The following ARHGAP29 variants were observed in gnomAD, a reference collection of about 807,000 sequenced individuals.
ARHGAP29 encodes rho GTPase-activating protein 29.
Under a neutral mutation model 122.6 loss-of-function variants are expected in ARHGAP29, and 43 were observed. The ratio of observed to expected loss-of-function variants is 0.35; its 90% confidence interval spans 0.27 to 0.45. The LOEUF is 0.45. Among genes scored for constraint, ARHGAP29 ranks in the 20% least tolerant of loss-of-function variants. The pLI, the probability that ARHGAP29 is intolerant of heterozygous loss-of-function variation, is 1.00. For missense variants in ARHGAP29, 1,303 were observed against 1,477.2 expected, an observed-to-expected ratio of 0.88 and a Z score of 1.93; for synonymous variants, 506 against 497.1, an observed-to-expected ratio of 1.02 and a Z score of -0.24.
rs754787593 is a variant in ARHGAP29 at position 94,179,854 on chromosome 1, A to C, written c.2351T>G (p.Leu784Arg). 1.2e-6 allele frequency: 2 copies of C among 1,613,390 alleles called. No individual in the cohort carries two copies. Among genetic ancestry groups the C allele is most frequent in the South Asian group, 2.2e-5 (2 of 91,068 alleles). ...NEEQETKKNS[L>R]EDKKWPNMCI... ...CATATTTGGCCATTTTTTGTCTTCA[A>C]GACTATTCTTTTTTGTCTCTTGTTC... The change falls in exon 20 of 23, where the codon CTT becomes CGT. Residue 784 changes from leucine to arginine, a missense_variant. Transcript: ENST00000260526.
chr1:94,217,652 A>T (rs1236966596), intron 3 of ARHGAP29, among the ~76,000 whole-genome samples: 1 of 152,160 alleles, frequency 6.6e-6, no homozygotes, highest in Non-Finnish European at 1.5e-5. Context: ...AGCCTAGGCA[A>T]CAAAGCAAGA....
At chr1:94,236,799 A>C (rs1465165163) in intron 1 of ARHGAP29, among the ~76,000 whole-genome samples, 1 of 152,204 alleles carries the variant, frequency 6.6e-6, no homozygotes, top group African/African-American at 2.4e-5. Context: ...GACCAGGAGA[A>C]AATGCACCAC....
chr1:94,264,491 G>A (rs1287015296), intron 1 of ARHGAP29, among the ~76,000 whole-genome samples: 1 of 152,098 alleles, frequency 6.6e-6, no homozygotes, highest in East Asian at 1.9e-4. Flanking sequence ...TGGTGTGTTT[G>A]GGCAGTGGTT....
At chr1:94,220,857 T>C (rs1444060298) in intron 2 of ARHGAP29, among the ~76,000 whole-genome samples, 2 of 144,984 alleles carry the variant, frequency 1.4e-5, no homozygotes, top group African/African-American at 4.9e-5. Flanking sequence ...GTTTTTGTGC[T>C]TTTTAGAAAA....
intron 2 of ARHGAP29, among the ~76,000 whole-genome samples, chr1:94,224,252 C>G (rs1652490716): frequency 6.6e-6 from 1 of 152,192 alleles, no homozygotes; most frequent in African/African-American, 2.4e-5. Context: ...ATTATCATCA[C>G]AGAGAGTTAC....
the ARHGAP29 span, among the ~76,000 whole-genome samples, chr1:94,281,427 TCTTGCTGGGAA>T: frequency 6.6e-6 from 1 of 152,158 alleles, no homozygotes; most frequent in Admixed American, 6.5e-5. Context: ...TAGAGGCTGC[TCTTGCTGGGAA>T]CAGCCCAGCA....
At position 94,174,463 on chromosome 1, in the gene ARHGAP29, A is replaced by G. The variant is rs375719794; in HGVS notation, c.3192T>C (p.Thr1064=). 22 of 1,614,126 alleles carry G rather than the reference A, an allele frequency of 1.4e-5. No homozygotes were observed. The highest frequency in any genetic ancestry group is 5.5e-5 in the South Asian group (5 of 91,090). Residue 1064 remains threonine, a synonymous_variant, in exon 23 of 23, where the codon ACT becomes ACC. Coordinates refer to ENST00000260526, the MANE Select transcript of ARHGAP29 (RefSeq NM_004815.4). ...CAAAGCCATTAAATTTGGAACAAAC[A>G]GTAGTAGCAGCGTCTTTTCTATTAA... ...EGVNRKDAAT[T]VCSKFNGFDQ... is the part of the protein sequence containing the mutation.
At chr1:94,230,324 T>C (rs1652845870) in intron 2 of ARHGAP29, among the ~76,000 whole-genome samples, 1 of 151,862 alleles carries the variant, frequency 6.6e-6, no homozygotes, top group South Asian at 2.1e-4. Flanking sequence ...ACAATCAGAC[T>C]TCAAAATCAA....
At chr1:94,291,828 G>C in the ARHGAP29 span, among the ~76,000 whole-genome samples, 2 of 152,212 alleles carry the variant, frequency 1.3e-5, no homozygotes, top group African/African-American at 4.8e-5. Flanking sequence ...TCCACTGTTA[G>C]TCTGATGGGC....
intron 20 of ARHGAP29, 106 bp downstream of exon 20, chr1:94,179,614 AAAAAG>A (rs1649323573): frequency 4.6e-6 from 3 of 649,860 alleles, no homozygotes; most frequent in Non-Finnish European, 4.8e-6. Context: ...AAAAAAAAAA[AAAAAG>A]AATGGCTAAG....
chr1:94,296,501 G>A, the ARHGAP29 span, among the ~76,000 whole-genome samples: 1 of 152,200 alleles, frequency 6.6e-6, no homozygotes, highest in African/African-American at 2.4e-5. Context: ...TATATATAGG[G>A]TTTAATGCTA....
chr1:94,276,240 C>G (rs1051910516), upstream of ARHGAP29, among the ~76,000 whole-genome samples: 3 of 151,082 alleles, frequency 2.0e-5, no homozygotes, highest in East Asian at 5.8e-4. Context: ...CCTGAGTGAC[C>G]GAGCGAGACT....
intron 3 of ARHGAP29, among the ~76,000 whole-genome samples, chr1:94,210,511 C>T (rs1651519906): frequency 6.6e-6 from 1 of 152,120 alleles, no homozygotes; most frequent in East Asian, 1.9e-4. Context: ...GAAATTGCAA[C>T]CAAAATTTTA....
intron 3 of ARHGAP29, among the ~76,000 whole-genome samples, chr1:94,216,650 A>G (rs1651970138): frequency 6.6e-6 from 1 of 152,216 alleles, no homozygotes; most frequent in African/African-American, 2.4e-5. Flanking sequence ...GGCATAATTA[A>G]GACTTATTTT....
chr1:94,281,404 G>A, the ARHGAP29 span, among the ~76,000 whole-genome samples: 1 of 152,158 alleles, frequency 6.6e-6, no homozygotes. Context: ...CAAGCACAAG[G>A]CAGGAGGTGT....
In ARHGAP29 at chr1:94,170,607, C is replaced by T. The variant is rs888302980; in HGVS notation, c.*3262G>A. Among the ~76,000 whole-genome samples the T allele has an allele frequency of 6.6e-6, 1 of 152,110 alleles. No homozygotes were observed. The highest frequency in any genetic ancestry group is 2.4e-5 in the African/African-American group (1 of 41,432). On this transcript the variant is annotated 3_prime_UTR_variant, in exon 23 of 23. Coordinates refer to ENST00000260526, the MANE Select transcript of ARHGAP29 (RefSeq NM_004815.4). ...AAGTTTGATGGTTGTACTATGGTTA[C>T]GTAGGAATGCCCTTGTCTTAAGGAA...
chr1:94,212,735 AATTCCT>A (rs1463834282), intron 3 of ARHGAP29, among the ~76,000 whole-genome samples: 2 of 152,162 alleles, frequency 1.3e-5, no homozygotes, highest in African/African-American at 2.4e-5. Flanking sequence ...ATCTAATGAA[AATTCCT>A]ATTCCTAATG....
At chr1:94,200,895 A>G (rs2101496561) in intron 12 of ARHGAP29, among the ~76,000 whole-genome samples, 1 of 152,326 alleles carries the variant, frequency 6.6e-6, no homozygotes, top group East Asian at 1.9e-4. Flanking sequence ...GAGTTGGACT[A>G]CAAAATAAGT....
At position 94,201,856 on chromosome 1, in the gene ARHGAP29, A is replaced by C; in HGVS notation, c.1145T>G (p.Val382Gly). The part of the protein sequence containing the change: ...RRLEEEALQK[V>G]EEANELYKVC... ...TTTGTAAAGTTCATTTGCTTCTTCT[A>C]CCTTCACAAATATCACAGAAAAAAA... The change falls in exon 12 of 23, where the codon GTA becomes GGA. Residue 382 changes from valine (V) to glycine (G), a missense_variant and splice_region_variant. By Grantham distance (109) the Val-to-Gly change is moderately radical (BLOSUM62 -3). Transcript: ENST00000260526. 2 of 1,570,154 alleles carry C rather than the reference A, an allele frequency of 1.3e-6. No individual in the cohort carries two copies. Among genetic ancestry groups the C allele is most frequent in the Non-Finnish European group, 1.7e-6 (2 of 1,164,840 alleles).
Sources: gnomAD v4.1 joint callset for allele counts (sites outside exome capture counted in the v4.1 genomes callset) on GRCh38, gnomAD v4.1.1 for gene constraint, MANE v1.5 for transcripts, NCBI Gene and HGNC (gene_info 2026-07-23, HGNC 2026-07-21) for gene names.